The following CCDC88A variants were observed in gnomAD, a reference collection of about 807,000 sequenced individuals.
CCDC88A encodes the protein girdin.
CCDC88A carries 54 observed loss-of-function variants against 234.3 expected under a neutral mutation model. The observed-to-expected ratio is 0.23, with a 90% confidence interval of 0.19 to 0.29. The LOEUF (loss-of-function observed/expected upper bound fraction) is 0.29. CCDC88A is among the 10% of genes least tolerant of loss of function. The pLI, the probability that CCDC88A is intolerant of heterozygous loss-of-function variation, is 1.00. For missense variants in CCDC88A, 1,832 were observed against 2,123.4 expected, an observed-to-expected ratio of 0.86 and a Z score of 2.70; for synonymous variants, 753 against 737.8, an observed-to-expected ratio of 1.02 and a Z score of -0.33.
At chr2:55,302,917 A>G (rs1179419287) in intron 26 of CCDC88A, 152 bp downstream of exon 26, 4 of 473,608 alleles carry the variant, frequency 8.4e-6, no homozygotes, top group Non-Finnish European at 1.5e-5. Flanking sequence ...GTGCCACTTG[A>G]AAAAAAAAAT....
intron 17 of CCDC88A, among the ~76,000 whole-genome samples, chr2:55,325,035 G>A (rs1274015320): frequency 6.6e-6 from 1 of 152,192 alleles, no homozygotes; most frequent in African/African-American, 2.4e-5. Context: ...GACAGTTCCA[G>A]TTGCTCCCAA....
intron 2 of CCDC88A, among the ~76,000 whole-genome samples, chr2:55,399,504 G>A (rs1400679237): frequency 6.8e-6 from 1 of 147,828 alleles, no homozygotes; most frequent in African/African-American, 2.5e-5. Flanking sequence ...TCCAGCCTGG[G>A]CGACAGAATG....
intron 23 of CCDC88A, among the ~76,000 whole-genome samples, chr2:55,311,633 C>T (rs1385820558): frequency 2.0e-5 from 3 of 152,226 alleles, no homozygotes; most frequent in Non-Finnish European, 4.4e-5. Context: ...CTAATTTCAA[C>T]ATCTGTGCTA....
In CCDC88A at chr2:55,328,284, A is replaced by G; in HGVS notation, c.2997+10T>C. The G allele has an allele frequency of 6.4e-7, 1 of 1,559,332 alleles. No individual in the cohort carries two copies. ...TGATCCTTAAAATTCTTTCCAAGAA[A>G]ATCACTTACTGTTTTAAGTTCTTGG... On this transcript the variant is annotated intron_variant, in intron 17 of 32. Transcript: ENST00000436346. The surrounding 1 kb of genome is among the most constrained non-coding windows in gnomAD (Gnocchi z 4.3).
chr2:55,367,600 T>C (rs1210370439), intron 5 of CCDC88A, among the ~76,000 whole-genome samples: 1 of 146,616 alleles, frequency 6.8e-6, no homozygotes, highest in African/African-American at 2.5e-5. Flanking sequence ...GGCATGATCA[T>C]ACCATATGGC....
chr2:55,394,717 G>C (rs1212523900), intron 2 of CCDC88A: 5 of 149,282 alleles, frequency 3.3e-5, no homozygotes, highest in African/African-American at 1.2e-4. Flanking sequence ...TAAATGATGA[G>C]TTAATGGGTG....
chr2:55,335,558 T>C lies in CCDC88A; in HGVS notation c.1657-394A>G, dbSNP rs1685380528. ...AGGTTCTACTTTTACTAAGTAACCT[T>C]TGCAATGCCTACAGTGGGTCCTCAG... On this transcript the variant is annotated intron_variant, in intron 14 of 32. Coordinates refer to ENST00000436346, the MANE Select transcript of CCDC88A (RefSeq NM_001365480.1). The surrounding 1 kb of genome is among the most constrained non-coding windows in gnomAD (Gnocchi z 4.5). Among the ~76,000 whole-genome samples the C allele has an allele frequency of 6.6e-6, 1 of 152,180 alleles. No homozygotes were observed. The highest frequency in any genetic ancestry group is 1.5e-5 in the Non-Finnish European group (1 of 68,020).
At chr2:55,418,488 A>AG (rs1368372353) in intron 2 of CCDC88A, 3 of 285,328 alleles carry the variant, frequency 1.1e-5, no homozygotes, top group African/African-American at 4.3e-5. Context: ...TTCCTCTCTT[A>AG]GGAAACCAGA....
At chr2:55,364,163 A>C (rs745913489) in intron 5 of CCDC88A, 130 bp from the exon 6 acceptor site, 1 of 512,528 alleles carries the variant, frequency 2.0e-6, no homozygotes, top group Non-Finnish European at 3.4e-6. Context: ...TTTGCATTTA[A>C]ATTGTCCAAC....
intron 29 of CCDC88A, 77 bp downstream of exon 29, chr2:55,299,757 TACCCC>T (rs1680653669): frequency 2.3e-6 from 2 of 862,890 alleles, no homozygotes; most frequent in Non-Finnish European, 3.8e-6. Context: ...TTTCATGCTT[TACCCC>T]AGAAACTTCA....
chr2:55,308,443 A>C (rs1681917186), intron 25 of CCDC88A: 2 of 176,608 alleles, frequency 1.1e-5, no homozygotes, highest in South Asian at 2.8e-4. Flanking sequence ...AGTTATATAT[A>C]ATTATGAAAA....
intron 22 of CCDC88A, chr2:55,315,636 A>G (rs531814265): frequency 1.9e-4 from 37 of 199,958 alleles, no homozygotes; most frequent in Non-Finnish European, 3.5e-4. Context: ...TAATTTTTCT[A>G]TTGGTTTATA....
intron 15 of CCDC88A, among the ~76,000 whole-genome samples, chr2:55,333,311 A>G (rs1334145476): frequency 2.6e-5 from 4 of 152,174 alleles, no homozygotes; most frequent in African/African-American, 9.7e-5. Context: ...TAGAGATGGG[A>G]AAAAAAGAGC....
At chr2:55,360,450 G>C (rs1310526961) in intron 7 of CCDC88A, among the ~76,000 whole-genome samples, 1 of 152,004 alleles carries the variant, frequency 6.6e-6, no homozygotes, top group African/African-American at 2.4e-5. Flanking sequence ...CCCAAATTGA[G>C]GGAAAAAAAT....
At chr2:55,316,802 C>A (rs1184883841) in intron 21 of CCDC88A, 3 of 152,462 alleles carry the variant, frequency 2.0e-5, no homozygotes, top group African/African-American at 7.2e-5. Context: ...GTGGCGCGAT[C>A]TCGACTCACT....
rs1025945943 is a variant in CCDC88A at position 55,288,763 on chromosome 2, G to C, written c.*2437C>G. The C allele has an allele frequency of 6.6e-6, 1 of 152,188 alleles. No individual in the cohort carries two copies. Among genetic ancestry groups the C allele is most frequent in the Non-Finnish European group, 1.5e-5 (1 of 68,014 alleles). The allele number at this position is 152,188 out of a possible 1,614,324, so 9.4% of individuals were successfully genotyped here. A position where few individuals can be genotyped will look rare whatever the true frequency, so the allele number is the denominator to read the frequency against. ...CCTTGAGGGGTTAGGTGTTGATTTA[G>C]AATACAGCCAGATAATTTAAAGCAT... On this transcript the variant is annotated 3_prime_UTR_variant, in exon 33 of 33. Transcript: ENST00000436346.
intron 6 of CCDC88A, among the ~76,000 whole-genome samples, chr2:55,362,912 G>A (rs1413670912): frequency 3.3e-5 from 5 of 151,948 alleles, no homozygotes; most frequent in African/African-American, 1.2e-4. Flanking sequence ...AAGCTTAGGA[G>A]AAAGGATTAC....
Position 55,336,735 on chromosome 2 carries a change from C to A in CCDC88A, c.1602G>T (p.Glu534Asp). Residue 534 changes from glutamate (E) to aspartate (D), a missense_variant, in exon 14 of 33, where the codon GAG becomes GAT. Transcript: ENST00000436346. Reference protein sequence around the residue: ...CQNLSKDLMKEKAQLEKTIET... With the variant: ...CQNLSKDLMKDKAQLEKTIET... ...CTATTGTTTTTTCAAGCTGAGCTTT[C>A]TCCTTCATTAGATCCTTGCTTAAAT... The A allele has an allele frequency of 6.3e-7, 1 of 1,597,678 alleles. No homozygotes were observed. Among genetic ancestry groups the A allele is most frequent in the South Asian group, 1.1e-5 (1 of 88,106 alleles).
At chr2:55,363,090 AAAAC>A (rs1338716476) in intron 6 of CCDC88A, among the ~76,000 whole-genome samples, 3 of 151,966 alleles carry the variant, frequency 2.0e-5, no homozygotes, top group African/African-American at 4.8e-5. Flanking sequence ...TATTCAGAAT[AAAAC>A]AAATCCATAT....
Sources: gnomAD v4.1 joint callset for allele counts (sites outside exome capture counted in the v4.1 genomes callset) on GRCh38, gnomAD v4.1.1 for gene constraint, Gnocchi (gnomAD v3.1) non-coding constraint, MANE v1.5 for transcripts, NCBI Gene and HGNC (gene_info 2026-07-23, HGNC 2026-07-21) for gene names.